Variants in AHI1 observed in about 807,000 individuals in gnomAD.
AHI1 encodes Abelson helper integration site 1.
In AHI1, 123 loss-of-function variants were observed where a neutral mutation model predicts 149.3. The ratio of observed to expected loss-of-function variants is 0.82; its 90% CI spans 0.71 to 0.96. The LOEUF is 0.96. Ranked by LOEUF, AHI1 falls within the 40% of genes least tolerant of loss-of-function variation. AHI1 has a pLI of 0.00. For synonymous variants in AHI1, 475 were observed against 459.8 expected (o/e 1.03, Z -0.42); for missense variants, 1,439 against 1,422.7 (o/e 1.01, Z -0.18).
chr6:135,407,199 C>T (rs994807875), intron 21 of AHI1, among the ~76,000 whole-genome samples: 1 of 152,130 alleles, frequency 6.6e-6, no homozygotes, highest in Non-Finnish European at 1.5e-5. Context: ...GCAATTCACT[C>T]ACACATACCC....
chr6:135,405,924 C>T (rs908121406), intron 21 of AHI1, among the ~76,000 whole-genome samples: 1 of 150,088 alleles, frequency 6.7e-6, no homozygotes, highest in Non-Finnish European at 1.5e-5. Flanking sequence ...TACTCAAGTC[C>T]AGTCCAATTA....
At chr6:135,353,199 C>T (rs1792430770) in intron 24 of AHI1, among the ~76,000 whole-genome samples, 1 of 152,042 alleles carries the variant, frequency 6.6e-6, no homozygotes. Context: ...ACCTATTTTG[C>T]ATTTATATTT....
intron 26 of AHI1, chr6:135,302,423 C>T (rs1266207853): frequency 6.0e-6 from 6 of 993,018 alleles, no homozygotes; most frequent in African/African-American, 5.2e-5. Flanking sequence ...TTGCCATGTG[C>T]AGGTCTTGCC....
chr6:135,384,895 C>T (rs1170364568), intron 23 of AHI1, among the ~76,000 whole-genome samples: 3 of 152,098 alleles, frequency 2.0e-5, no homozygotes, highest in South Asian at 2.1e-4. Context: ...TCAACACCAG[C>T]CTGCCCACCA....
At chr6:135,447,840 T>A (rs1241766415) in intron 12 of AHI1, among the ~76,000 whole-genome samples, 1 of 152,178 alleles carries the variant, frequency 6.6e-6, no homozygotes, top group African/African-American at 2.4e-5. Context: ...ACACACCAAA[T>A]CTGGCCTACT....
intron 24 of AHI1, among the ~76,000 whole-genome samples, chr6:135,332,901 A>G (rs904955778): frequency 6.6e-6 from 1 of 152,202 alleles, no homozygotes; most frequent in Non-Finnish European, 1.5e-5. Context: ...ATTCTATTTT[A>G]TGGAATGAAA....
chr6:135,488,403 T>G (rs1794781769), intron 5 of AHI1, among the ~76,000 whole-genome samples: 1 of 152,148 alleles, frequency 6.6e-6, no homozygotes, highest in Non-Finnish European at 1.5e-5. Flanking sequence ...TTCCGTAGTG[T>G]CAATTCCATC....
intron 24 of AHI1, among the ~76,000 whole-genome samples, chr6:135,352,982 AAG>A (rs1054720865): frequency 6.6e-6 from 1 of 151,974 alleles, no homozygotes; most frequent in Non-Finnish European, 1.5e-5. Context: ...TCAGAATTTT[AAG>A]AGTTTTTCAG....
At chr6:135,492,389 T>G in intron 3 of AHI1, 98 bp from the exon 4 acceptor site, 4 of 1,373,398 alleles carry the variant, frequency 2.9e-6, no homozygotes, top group South Asian at 4.1e-5. Context: ...TGTCCACTAC[T>G]TCATTAAGTT....
intron 3 of AHI1, among the ~76,000 whole-genome samples, chr6:135,493,830 G>T (rs889982906): frequency 6.6e-6 from 1 of 152,142 alleles, no homozygotes; most frequent in African/African-American, 2.4e-5. Context: ...ATCACTTGAG[G>T]TCAGGAGTTT....
intron 11 of AHI1, among the ~76,000 whole-genome samples, chr6:135,452,479 T>A (rs573511304): frequency 6.6e-6 from 1 of 152,186 alleles, no homozygotes; most frequent in Non-Finnish European, 1.5e-5. Flanking sequence ...TGTTAAGAAT[T>A]TCCTAATGTG....
At chr6:135,424,431 T>C (rs1481828763) in intron 20 of AHI1, among the ~76,000 whole-genome samples, 1 of 152,040 alleles carries the variant, frequency 6.6e-6, no homozygotes, top group Non-Finnish European at 1.5e-5. Context: ...TCTAGCTTCA[T>C]AAATTTAATT....
At chr6:135,385,851 G>T (rs1450650460) in intron 23 of AHI1, among the ~76,000 whole-genome samples, 1 of 152,248 alleles carries the variant, frequency 6.6e-6, no homozygotes, top group African/African-American at 2.4e-5. Context: ...ATTGATTTAG[G>T]AAGGTGTAAT....
chr6:135,351,135 C>CA (rs1183574427), intron 24 of AHI1, among the ~76,000 whole-genome samples: 52 of 131,448 alleles, frequency 4.0e-4, no homozygotes, highest in Admixed American at 6.6e-4. Context: ...AAACAAAAAA[C>CA]AAAAAAAACA....
chr6:135,411,341 A>AGTC lies in AHI1; in HGVS notation c.2961+6_2961+7insGAC, dbSNP rs780835322. On this transcript the variant is annotated splice_region_variant and intron_variant, in intron 21 of 28. Coordinates refer to ENST00000265602, the MANE Select transcript of AHI1 (RefSeq NM_001134831.2). Reference sequence around the variant, plus strand: ...TTTAAAGTTTCAACTGCATAAAATAAACTTACTGTGACAGTTTCAAGCCTC... The same window carrying AGTC: ...TTTAAAGTTTCAACTGCATAAAATAAGTCACTTACTGTGACAGTTTCAAGCCTC... The AGTC allele has an allele frequency of 0.012, 19,366 of 1,611,070 alleles. 139 individuals carry two copies. Among genetic ancestry groups the AGTC allele is most frequent in the Middle Eastern group, 0.022 (136 of 6,058 alleles).
chr6:135,452,344 A>T (rs1050356131), intron 11 of AHI1, among the ~76,000 whole-genome samples: 2 of 152,258 alleles, frequency 1.3e-5, no homozygotes, highest in African/African-American at 4.8e-5. Flanking sequence ...TTACAAAATT[A>T]AAATATCCTT....
At chr6:135,308,961 G>A (rs955905605) in intron 26 of AHI1, among the ~76,000 whole-genome samples, 1 of 152,194 alleles carries the variant, frequency 6.6e-6, no homozygotes, top group Admixed American at 6.5e-5. Flanking sequence ...GAGGGTCCTG[G>A]AAATATGGAG....
chr6:135,482,593 TA>T lies in AHI1; in HGVS notation c.135+8029del, dbSNP rs144628212. 9.3e-3 allele frequency among the ~76,000 whole-genome samples: 1,410 copies of T among 151,068 alleles called. 19 individuals are homozygous for T. Among genetic ancestry groups the T allele is most frequent in the Non-Finnish European group, 0.014 (984 of 67,988 alleles). On this transcript the variant is annotated intron_variant, in intron 5 of 28. Transcript: ENST00000265602. ...GTCAATTTAAAATTTTGAATACTTTTATTTTTTTAATCTGTAGAAGTATAAT... is the reference window on the plus strand; with the variant it reads ...GTCAATTTAAAATTTTGAATACTTTTTTTTTTTAATCTGTAGAAGTATAAT...
At chr6:135,335,915 C>G (rs1467961468) in intron 24 of AHI1, among the ~76,000 whole-genome samples, 1 of 151,856 alleles carries the variant, frequency 6.6e-6, no homozygotes, top group Non-Finnish European at 1.5e-5. Context: ...GAGTTTGAGA[C>G]CAGCCTGGCC....
Sources: allele counts gnomAD v4.1 joint callset (sites outside exome capture counted in the v4.1 genomes callset), GRCh38; gene constraint gnomAD v4.1.1; transcripts MANE v1.5; gene names NCBI Gene and HGNC (gene_info 2026-07-23, HGNC 2026-07-21).